Variants in PTPRD observed in about 807,000 individuals in gnomAD.
PTPRD encodes receptor-type tyrosine-protein phosphatase delta.
A neutral mutation model predicts 214.5 loss-of-function variants in PTPRD; 34 were observed. The ratio of observed to expected loss-of-function variants is 0.16; its 90% confidence interval spans 0.12 to 0.21. The LOEUF (loss-of-function observed/expected upper bound fraction) is 0.21, where lower values mean the gene tolerates loss of function less well. Ranked by LOEUF, PTPRD falls within the 10% of genes least tolerant of loss-of-function variation. PTPRD has a pLI of 1.00. For synonymous variants in PTPRD, 1,128 were observed against 845.7 expected, an observed-to-expected ratio of 1.33 and a Z score of -5.79; for missense variants, 2,545 against 2,398.7, an observed-to-expected ratio of 1.06 and a Z score of -1.27.
At chr9:8,803,032 C>T (rs946518860) in intron 11 of PTPRD, among the ~76,000 whole-genome samples, 4 of 151,864 alleles carry the variant, frequency 2.6e-5, no homozygotes, top group South Asian at 2.1e-4. Context: ...ACTCCGGCCT[C>T]GGCAACAGAG....
intron 2 of PTPRD, among the ~76,000 whole-genome samples, chr9:10,428,877 C>G (rs192669665): frequency 2.0e-5 from 3 of 152,062 alleles, no homozygotes; most frequent in East Asian, 2.0e-4. Context: ...AGCATATAAG[C>G]TGGAGTCAGA....
intron 9 of PTPRD, among the ~76,000 whole-genome samples, chr9:9,392,867 T>C (rs2066373843): frequency 6.6e-6 from 1 of 152,092 alleles, no homozygotes; most frequent in Non-Finnish European, 1.5e-5. Flanking sequence ...TATATTACAG[T>C]AATTAGAGTC....
At chr9:9,899,452 T>G (rs2153804207) in intron 5 of PTPRD, among the ~76,000 whole-genome samples, 1 of 152,242 alleles carries the variant, frequency 6.6e-6, no homozygotes, top group South Asian at 2.1e-4. Flanking sequence ...TAAAAAAAGT[T>G]CAATAACACA....
chr9:9,078,499 C>G (rs2099754305), intron 10 of PTPRD, among the ~76,000 whole-genome samples: 1 of 152,056 alleles, frequency 6.6e-6, no homozygotes, highest in South Asian at 2.1e-4. Context: ...ACTTTGAATT[C>G]TTCCATTGCT....
At chr9:8,706,940 G>A (rs1011915594) in intron 12 of PTPRD, among the ~76,000 whole-genome samples, 6 of 152,142 alleles carry the variant, frequency 3.9e-5, no homozygotes, top group Admixed American at 6.6e-5. Flanking sequence ...AAATGAAGAG[G>A]CGAATGAAGA....
chr9:8,790,043 G>A (rs1371854860), intron 11 of PTPRD, among the ~76,000 whole-genome samples: 4 of 152,016 alleles, frequency 2.6e-5, no homozygotes, highest in African/African-American at 7.2e-5. Context: ...TTGAGACAGG[G>A]TTTCACTGGG....
At chr9:10,494,405 A>G (rs1337442672) in intron 2 of PTPRD, among the ~76,000 whole-genome samples, 1 of 151,816 alleles carries the variant, frequency 6.6e-6, no homozygotes, top group African/African-American at 2.4e-5. Flanking sequence ...ACATCATTAT[A>G]TGTACATAGC....
intron 2 of PTPRD, among the ~76,000 whole-genome samples, chr9:10,611,998 T>C (rs2133840302): frequency 6.8e-6 from 1 of 147,944 alleles, no homozygotes; most frequent in African/African-American, 2.5e-5. Context: ...TTAGCATGGA[T>C]TAGGGCTGAG....
intron 11 of PTPRD, among the ~76,000 whole-genome samples, chr9:8,755,669 A>C (rs1023148876): frequency 1.3e-5 from 2 of 152,344 alleles, no homozygotes; most frequent in African/African-American, 2.4e-5. Flanking sequence ...TCTGCTGAGA[A>C]AATATAGCTT....
At chr9:8,708,747 A>C (rs1024025242) in intron 12 of PTPRD, among the ~76,000 whole-genome samples, 23 of 151,526 alleles carry the variant, frequency 1.5e-4, no homozygotes, top group Non-Finnish European at 2.9e-5. Context: ...CTAGGTCTAT[A>C]TATTCAAAGG....
chr9:9,905,889 C>G (rs1211626480), intron 5 of PTPRD, among the ~76,000 whole-genome samples: 2 of 151,932 alleles, frequency 1.3e-5, no homozygotes, highest in Non-Finnish European at 2.9e-5. Context: ...CCTGCCTTGA[C>G]TGGAGAAGCA....
chr9:10,145,583 T>C (rs2099016613), intron 3 of PTPRD, among the ~76,000 whole-genome samples: 1 of 152,182 alleles, frequency 6.6e-6, no homozygotes, highest in African/African-American at 2.4e-5. Flanking sequence ...GTTTATGTTA[T>C]CAGTAAGGCT....
chr9:9,668,042 G>T (rs998167634), intron 7 of PTPRD, among the ~76,000 whole-genome samples: 42 of 152,050 alleles, frequency 2.8e-4, no homozygotes, highest in African/African-American at 8.0e-4. Context: ...TTCAAAATCA[G>T]AGCTAAAATC....
intron 14 of PTPRD, 29 bp downstream of exon 14, chr9:8,633,288 C>A (rs1386933624): frequency 3.7e-6 from 6 of 1,601,794 alleles, no homozygotes; most frequent in Admixed American, 1.7e-5. Flanking sequence ...AACAATGACA[C>A]AAACGACAAC....
chr9:9,720,266 C>T (rs1398042304), intron 7 of PTPRD, among the ~76,000 whole-genome samples: 1 of 152,148 alleles, frequency 6.6e-6, no homozygotes, highest in Non-Finnish European at 1.5e-5. Context: ...TATACTCTCA[C>T]TTTATAGATG....
At chr9:10,598,711 G>GTGGTGTGGTGT (rs57068953) in intron 2 of PTPRD, among the ~76,000 whole-genome samples, 1 of 137,076 alleles carries the variant, frequency 7.3e-6, no homozygotes, top group South Asian at 2.4e-4. Context: ...TGTGGTGTGT[G>GTGGTGTGGTGT]GTGTGTGTGT....
chr9:9,214,833 G>T (rs4596705), intron 9 of PTPRD, among the ~76,000 whole-genome samples: 48,048 of 151,984 alleles, frequency 0.32, 8,821 homozygotes, highest in Middle Eastern at 0.47. Flanking sequence ...CAGCAAGCCT[G>T]TGTGATATGT....
chr9:9,185,935 G>A (rs1421937814), intron 9 of PTPRD, among the ~76,000 whole-genome samples: 2 of 150,446 alleles, frequency 1.3e-5, no homozygotes, highest in African/African-American at 2.4e-5. Context: ...ACAAATATCA[G>A]TCTAGTTATC....
At chr9:10,138,326 A>G (rs1330490004) in intron 3 of PTPRD, among the ~76,000 whole-genome samples, 1 of 152,100 alleles carries the variant, frequency 6.6e-6, no homozygotes, top group African/African-American at 2.4e-5. Context: ...CAACCTCCCA[A>G]GATTGAACCA....
Sources: gnomAD v4.1 joint callset for allele counts (sites outside exome capture counted in the v4.1 genomes callset) on GRCh38, gnomAD v4.1.1 for gene constraint, MANE v1.5 for transcripts, NCBI Gene and HGNC (gene_info 2026-07-23, HGNC 2026-07-21) for gene names.